The following DNAH6 variants were observed in gnomAD, a reference collection of about 807,000 sequenced individuals.
DNAH6 encodes the protein dynein axonemal heavy chain 6, also known as axonemal beta dynein heavy chain 6.
Under a neutral mutation model 491.4 loss-of-function variants are expected in DNAH6, and 340 were observed. The ratio of observed to expected loss-of-function variants is 0.69; its 90% confidence interval spans 0.63 to 0.76. The LOEUF is 0.76. DNAH6 is among the 30% of genes least tolerant of loss of function. The probability of loss-of-function intolerance (pLI) is 0.00; values close to 1 mark genes in which losing one functional copy is unlikely to be tolerated. For synonymous variants in DNAH6, 1,603 were observed against 1,686.1 expected (o/e 0.95, Z 1.21); for missense variants, 4,443 against 4,972.2 (o/e 0.89, Z 3.20).
intron 11 of DNAH6, among the ~76,000 whole-genome samples, chr2:84,560,850 C>T (rs1389889130): frequency 3.3e-5 from 5 of 151,676 alleles, no homozygotes; most frequent in East Asian, 1.9e-4. Flanking sequence ...TTCTTAATCC[C>T]GTCTATCATT....
intron 45 of DNAH6, among the ~76,000 whole-genome samples, chr2:84,693,680 G>A (rs1301710596): frequency 6.8e-6 from 1 of 146,082 alleles, no homozygotes; most frequent in Non-Finnish European, 1.5e-5. Flanking sequence ...AGGTTGCAGC[G>A]AGCCGAGATC....
chr2:84,715,677 TA>T (rs769249001), intron 58 of DNAH6, 50 bp downstream of exon 58: 78 of 1,500,254 alleles, frequency 5.2e-5, no homozygotes, highest in Non-Finnish European at 7.0e-5. Flanking sequence ...GTGGGTTTCC[TA>T]AATATTTTGT....
chr2:84,579,724 TAGGA>T (rs1256123729), intron 14 of DNAH6, 45 bp downstream of exon 14: 12 of 1,480,154 alleles, frequency 8.1e-6, no homozygotes, highest in Non-Finnish European at 1.1e-5. Flanking sequence ...GATCTTATAG[TAGGA>T]AGGAAGACAT....
chr2:84,647,668 T>C (rs1690028974), intron 33 of DNAH6, among the ~76,000 whole-genome samples: 1 of 151,876 alleles, frequency 6.6e-6, no homozygotes, highest in African/African-American at 2.4e-5. Context: ...TTTAACCCTT[T>C]TCCCATTTGC....
chr2:84,518,124 G>A, intron 2 of DNAH6, 73 bp downstream of exon 2: 1 of 1,123,730 alleles, frequency 8.9e-7, no homozygotes, highest in Non-Finnish European at 1.3e-6. Context: ...GAGGATAGAA[G>A]TCATGTCCAG....
At chr2:84,522,153 G>A (rs1372591728) in intron 2 of DNAH6, among the ~76,000 whole-genome samples, 1 of 152,076 alleles carries the variant, frequency 6.6e-6, no homozygotes, top group East Asian at 1.9e-4. Context: ...ATTCCTTTGA[G>A]CAGTGCTTTG....
chr2:84,705,457 G>A, intron 51 of DNAH6, 29 bp from the exon 52 acceptor site: 1 of 1,502,864 alleles, frequency 6.7e-7, no homozygotes, highest in Non-Finnish European at 8.9e-7. Flanking sequence ...TCATTTCAGT[G>A]CCATTAATAT....
the DNAH6 span, among the ~76,000 whole-genome samples, chr2:84,475,668 CT>C: frequency 6.6e-6 from 1 of 152,266 alleles, no homozygotes; most frequent in South Asian, 2.1e-4. Flanking sequence ...TTAAATGAGT[CT>C]TCCCTCTCAG....
At position 84,819,483 on chromosome 2, in the gene DNAH6, T is replaced by C; in HGVS notation, c.*75T>C. ...AATGGGAGCAAAAGGTTTGAATAATTTATATGTGAGCAAAACGGTGTTAAT... is the reference window on the plus strand; with the variant it reads ...AATGGGAGCAAAAGGTTTGAATAATCTATATGTGAGCAAAACGGTGTTAAT... On this transcript the variant is annotated 3_prime_UTR_variant, in exon 77 of 77. Coordinates refer to ENST00000389394, the MANE Select transcript of DNAH6 (RefSeq NM_001370.2). The C allele has an allele frequency of 5.3e-6, 5 of 941,474 alleles. No homozygotes were observed. The highest frequency in any genetic ancestry group is 6.4e-6 in the Non-Finnish European group (4 of 624,600). The allele number at this position is 941,474 out of a possible 1,614,324, so 58.3% of individuals were successfully genotyped here.
At chr2:84,569,907 A>C (rs1214426168) in intron 11 of DNAH6, among the ~76,000 whole-genome samples, 1 of 152,130 alleles carries the variant, frequency 6.6e-6, no homozygotes, top group South Asian at 2.1e-4. Flanking sequence ...ATTTTAATTG[A>C]TCTGTGGAAA....
At chr2:84,519,512 T>G (rs1025154837) in intron 2 of DNAH6, among the ~76,000 whole-genome samples, 2 of 152,052 alleles carry the variant, frequency 1.3e-5, no homozygotes, top group Non-Finnish European at 2.9e-5. Context: ...TGTCTGCAGT[T>G]TGACTTCTTT....
intron 64 of DNAH6, chr2:84,778,090 T>A: frequency 1.2e-6 from 1 of 830,770 alleles, no homozygotes; most frequent in Non-Finnish European, 2.1e-6. Context: ...TATCTTCCAG[T>A]TAAACTGCCC....
Position 84,745,096 on chromosome 2 carries a change from T to A in DNAH6, c.10359T>A (p.Tyr3453Ter), listed in dbSNP as rs945766973. 6.5e-7 allele frequency: 1 copy of A among 1,529,046 alleles called. No individual in the cohort carries two copies. Among genetic ancestry groups the A allele is most frequent in the African/African-American group, 1.4e-5 (1 of 71,910 alleles). The allele number at this position is 1,529,046 out of a possible 1,614,324, so 94.7% of individuals were successfully genotyped here. ...ISIRLGSFET[Y>*]INPQKWEGYS... ...TATTTCCAGGATCTTTTGAGACTTA[T>A]ATTAACCCACAGAAATGGGAAGGCT... The change falls in exon 63 of 77, where the codon TAT becomes TAA. Residue 3453 changes from tyrosine to a stop codon, truncating the protein, a stop_gained. Transcript: ENST00000389394. LOFTEE classifies it high-confidence loss of function.
intron 54 of DNAH6, among the ~76,000 whole-genome samples, chr2:84,709,072 A>G (rs146065271): frequency 6.6e-6 from 1 of 152,318 alleles, no homozygotes; most frequent in Non-Finnish European, 1.5e-5. Flanking sequence ...CACTGCGACA[A>G]CCCAGTCATT....
intron 4 of DNAH6, among the ~76,000 whole-genome samples, chr2:84,530,848 A>G (rs1332452280): frequency 6.6e-6 from 1 of 152,158 alleles, no homozygotes; most frequent in South Asian, 2.1e-4. Context: ...TGTCTGAGCA[A>G]GAGGGGTAGA....
chr2:84,695,383 T>C (rs1018244687), intron 46 of DNAH6, among the ~76,000 whole-genome samples: 3 of 152,112 alleles, frequency 2.0e-5, no homozygotes, highest in African/African-American at 7.2e-5. Context: ...GTGGGAATAA[T>C]AGGCCTGTTT....
chr2:84,502,749 G>C, the DNAH6 span, among the ~76,000 whole-genome samples: 3 of 152,044 alleles, frequency 2.0e-5, no homozygotes, highest in Non-Finnish European at 4.4e-5. Context: ...ATTATATACT[G>C]ACCTTCCTTG....
At chr2:84,690,862 C>T (rs969851289) in intron 45 of DNAH6, among the ~76,000 whole-genome samples, 25 of 152,238 alleles carry the variant, frequency 1.6e-4, no homozygotes. Flanking sequence ...TAATTTAGCA[C>T]ACACTACATT....
At chr2:84,602,182 A>G (rs1490513262) in intron 18 of DNAH6, among the ~76,000 whole-genome samples, 1 of 152,018 alleles carries the variant, frequency 6.6e-6, no homozygotes, top group African/African-American at 2.4e-5. Flanking sequence ...AGTGTTCCTC[A>G]TTGCTTTGTG....
Sources: gnomAD v4.1 joint callset for allele counts (sites outside exome capture counted in the v4.1 genomes callset) on GRCh38, gnomAD v4.1.1 for gene constraint, MANE v1.5 for transcripts, NCBI Gene and HGNC (gene_info 2026-07-23, HGNC 2026-07-21) for gene names.